Variants in FER observed in about 807,000 individuals in gnomAD.
The protein encoded by FER is FER tyrosine kinase, also known as tyrosine-protein kinase Fer.
In FER, 63 loss-of-function variants were observed where a neutral mutation model predicts 111.0. The observed-to-expected ratio is 0.57, with a 90% confidence interval of 0.46 to 0.70. The LOEUF is 0.70. Among genes scored for constraint, FER ranks in the 30% least tolerant of loss-of-function variants. FER has a pLI of 0.00. For synonymous variants in FER, 327 were observed against 313.9 expected (o/e 1.04, Z -0.44); for missense variants, 914 against 954.0 (o/e 0.96, Z 0.55).
intron 3 of FER, among the ~76,000 whole-genome samples, chr5:108,823,443 A>C (rs1165809118): frequency 6.6e-6 from 1 of 152,092 alleles, no homozygotes; most frequent in African/African-American, 2.4e-5. Context: ...GTCAACACTT[A>C]TCTTTTGTCT....
intron 15 of FER, 38 bp downstream of exon 15, chr5:109,044,833 T>A: frequency 9.9e-7 from 1 of 1,010,160 alleles, no homozygotes; most frequent in South Asian, 1.7e-5. Flanking sequence ...GTATTTATTA[T>A]GTAAATTATT....
chr5:109,068,266 C>T (rs150404518), intron 16 of FER, among the ~76,000 whole-genome samples: 2 of 151,932 alleles, frequency 1.3e-5, no homozygotes, highest in Non-Finnish European at 2.9e-5. Flanking sequence ...TCACTGCACC[C>T]TCTGCCTTCC....
intron 2 of FER, among the ~76,000 whole-genome samples, chr5:108,792,352 T>A (rs1289281924): frequency 3.3e-5 from 5 of 152,214 alleles, no homozygotes; most frequent in African/African-American, 1.2e-4. Flanking sequence ...ATTACTTTCT[T>A]TTTTGAGACG....
At chr5:108,998,271 C>G (rs886623922) in intron 13 of FER, among the ~76,000 whole-genome samples, 1 of 151,812 alleles carries the variant, frequency 6.6e-6, no homozygotes, top group East Asian at 1.9e-4. Flanking sequence ...TCAGGGCCCT[C>G]GTTGCCTAGC....
intron 10 of FER, among the ~76,000 whole-genome samples, chr5:108,904,806 A>T (rs1165918599): frequency 6.6e-6 from 1 of 152,190 alleles, no homozygotes; most frequent in Non-Finnish European, 1.5e-5. Flanking sequence ...ATAGATATTA[A>T]TTATAACATT....
At chr5:108,837,339 G>A (rs756185474) in intron 5 of FER, among the ~76,000 whole-genome samples, 2 of 152,168 alleles carry the variant, frequency 1.3e-5, no homozygotes, top group African/African-American at 2.4e-5. Flanking sequence ...AGAACTCCAA[G>A]TCTCACTCTC....
chr5:109,000,350 G>T (rs1764578489), intron 13 of FER, among the ~76,000 whole-genome samples: 1 of 151,084 alleles, frequency 6.6e-6, no homozygotes, highest in South Asian at 2.1e-4. Context: ...AAACTCTCTA[G>T]TAAAAAAAAA....
chr5:109,062,018 A>C (rs2149967820), intron 16 of FER, among the ~76,000 whole-genome samples: 1 of 99,666 alleles, frequency 1.0e-5, no homozygotes, highest in South Asian at 3.3e-4. Flanking sequence ...TGAATTATGA[A>C]TACTTTGCTT....
At chr5:109,183,248 G>GTTTTT (rs10682212) in intron 18 of FER, among the ~76,000 whole-genome samples, 4,576 of 115,522 alleles carry the variant, frequency 0.04, 345 homozygotes, top group Non-Finnish European at 0.058. Flanking sequence ...ATCCTAGCGT[G>GTTTTT]TTTTTTTTTT....
rs755313808 is a variant in FER at position 109,194,251 on chromosome 5, A to G, written c.*6676A>G. On this transcript the variant is annotated 3_prime_UTR_variant, in exon 20 of 20. Coordinates refer to ENST00000281092, the MANE Select transcript of FER (RefSeq NM_005246.4). ...TTTCTTCACACTCCTCTTGGCAGCA[A>G]ATGTCTGAAAGTATTTCAATTGTGT... 3.9e-5 allele frequency: 6 copies of G among 152,186 alleles called. No individual in the cohort carries two copies. Among genetic ancestry groups the G allele is most frequent in the Non-Finnish European group, 5.9e-5 (4 of 68,044 alleles). The allele number at this position is 152,186 out of a possible 1,614,324, so 9.4% of individuals were successfully genotyped here. A position where few individuals can be genotyped will look rare whatever the true frequency, so the allele number is the denominator to read the frequency against.
intron 16 of FER, among the ~76,000 whole-genome samples, chr5:109,072,968 C>T (rs1775936417): frequency 1.3e-5 from 2 of 152,058 alleles, no homozygotes; most frequent in African/African-American, 2.4e-5. Flanking sequence ...CTTCTTCCCT[C>T]TGTGTGTCTT....
chr5:109,010,495 C>T (rs1044149294), intron 13 of FER, among the ~76,000 whole-genome samples: 1 of 152,042 alleles, frequency 6.6e-6, no homozygotes, highest in Non-Finnish European at 1.5e-5. Context: ...TTCCTGTTCT[C>T]TTACCAGTTT....
intron 13 of FER, among the ~76,000 whole-genome samples, chr5:108,993,111 G>A (rs1381037819): frequency 6.6e-6 from 1 of 151,948 alleles, no homozygotes; most frequent in African/African-American, 2.4e-5. Flanking sequence ...GCCAAGCAGA[G>A]AGGCTCCTCA....
intron 13 of FER, 112 bp from the exon 14 acceptor site, chr5:109,037,310 T>C (rs996707252): frequency 8.9e-6 from 7 of 784,152 alleles, no homozygotes; most frequent in Admixed American, 2.2e-5. Flanking sequence ...TGCTGTTGAT[T>C]GAATGGTCTG....
At chr5:108,879,701 A>AAAATATATATATAT in intron 8 of FER, among the ~76,000 whole-genome samples, 15 of 99,128 alleles carry the variant, frequency 1.5e-4, no homozygotes, top group African/African-American at 4.8e-4. Context: ...ATTAAAAAAA[A>AAAATATATATATAT]ATATATATAT....
At chr5:109,037,313 A>G (rs1194449547) in intron 13 of FER, 109 bp from the exon 14 acceptor site, 3 of 800,268 alleles carry the variant, frequency 3.7e-6, no homozygotes. Context: ...TGTTGATTGA[A>G]TGGTCTGAAT....
chr5:109,094,725 G>A (rs1358426714), intron 16 of FER, among the ~76,000 whole-genome samples: 1 of 152,136 alleles, frequency 6.6e-6, no homozygotes, highest in African/African-American at 2.4e-5. Context: ...ACAGAAACAG[G>A]CAATAGGCTG....
chr5:108,982,670 A>G (rs1399804123), intron 13 of FER, among the ~76,000 whole-genome samples: 1 of 152,114 alleles, frequency 6.6e-6, no homozygotes, highest in Non-Finnish European at 1.5e-5. Context: ...AGTAAAGTTC[A>G]TCTTTGTAAG....
At chr5:109,017,765 A>G (rs1767371625) in intron 13 of FER, among the ~76,000 whole-genome samples, 1 of 151,940 alleles carries the variant, frequency 6.6e-6, no homozygotes, top group African/African-American at 2.4e-5. Context: ...GACCAAATCC[A>G]ACAACTCAGG....
Sources: allele counts gnomAD v4.1 joint callset (sites outside exome capture counted in the v4.1 genomes callset), GRCh38; gene constraint gnomAD v4.1.1; transcripts MANE v1.5; gene names NCBI Gene and HGNC (gene_info 2026-07-23, HGNC 2026-07-21).